Variants in SLC1A2 observed in about 807,000 individuals in gnomAD.
The protein encoded by SLC1A2 is solute carrier family 1 member 2, also known as excitatory amino acid transporter 2.
Under a neutral mutation model 48.8 loss-of-function variants are expected in SLC1A2, and 15 were observed. The observed-to-expected ratio is 0.31, with a 90% CI of 0.21 to 0.47. SLC1A2 has a LOEUF of 0.47. Ranked by LOEUF, SLC1A2 falls within the 20% of genes least tolerant of loss-of-function variation. The pLI is 0.99. For missense variants in SLC1A2, 502 were observed against 730.5 expected, an observed-to-expected ratio of 0.69 and a Z score of 3.61; for synonymous variants, 279 against 272.6, an observed-to-expected ratio of 1.02 and a Z score of -0.23.
chr11:35,343,508 T>G (rs1249875027), intron 1 of SLC1A2, among the ~76,000 whole-genome samples: 1 of 152,186 alleles, frequency 6.6e-6, no homozygotes, highest in South Asian at 2.1e-4. Flanking sequence ...GGCATGACTT[T>G]CTTGAGTACA....
chr11:35,308,585 T>C (rs943025438), intron 4 of SLC1A2, among the ~76,000 whole-genome samples: 2 of 152,150 alleles, frequency 1.3e-5, no homozygotes, highest in African/African-American at 4.8e-5. Flanking sequence ...TGGAGGAAGG[T>C]AGAAAGGCAA....
At chr11:35,317,149 A>G (rs1027902096) in intron 2 of SLC1A2, 1 of 511,902 alleles carries the variant, frequency 2.0e-6, no homozygotes, top group East Asian at 3.0e-5. Flanking sequence ...CTCTCACAAG[A>G]TATTTATTTG....
At chr11:35,307,545 T>A (rs1287175318) in intron 4 of SLC1A2, among the ~76,000 whole-genome samples, 2 of 152,304 alleles carry the variant, frequency 1.3e-5, no homozygotes, top group East Asian at 3.9e-4. Context: ...TAGAACTCAA[T>A]GCAGAATCCT....
chr11:35,361,078 G>C (rs1853664963), intron 1 of SLC1A2, among the ~76,000 whole-genome samples: 3 of 152,038 alleles, frequency 2.0e-5, no homozygotes, highest in Admixed American at 2.0e-4. Context: ...GTTTCACCAT[G>C]TTGGCCAGGG....
chr11:35,343,433 C>T (rs928018089), intron 1 of SLC1A2, among the ~76,000 whole-genome samples: 3 of 152,166 alleles, frequency 2.0e-5, no homozygotes, highest in Non-Finnish European at 4.4e-5. Flanking sequence ...TTTCCAGGAA[C>T]CTTCATGAAT....
At chr11:35,329,529 T>TA (rs1256232601) in intron 1 of SLC1A2, among the ~76,000 whole-genome samples, 2 of 152,142 alleles carry the variant, frequency 1.3e-5, no homozygotes, top group Admixed American at 6.5e-5. Flanking sequence ...AACTACTCTT[T>TA]AAAAAACAGC....
rs575731897 is a variant in SLC1A2, at chr11:35,330,877, A to G, written c.18-13361T>C. 1.1e-4 allele frequency among the ~76,000 whole-genome samples: 17 copies of G among 152,290 alleles called. No homozygotes were observed. The South Asian group carries it at 3.3e-3, about 30-fold the overall frequency. On this transcript the variant is annotated intron_variant, in intron 1 of 10. Transcript: ENST00000278379. ...GACACCTTGATTTTAGCCCAGTGAG[A>G]CCCAACTCAGATTTCTGGCCTCCAG...
In SLC1A2 at chr11:35,315,096, G is replaced by A. The variant is rs752846871; in HGVS notation, c.237C>T (p.Ala79=). ...PIHPDVVMLI[A]FPGDILMRML... ...TCCTCATGAGTATATCCCCTGGGAA[G>A]GCTATTAACATAACCACATCAGGGT... The change falls in exon 3 of 11, where the codon GCC becomes GCT. Residue 79 remains alanine (A), a synonymous_variant. Coordinates refer to ENST00000278379, the MANE Select transcript of SLC1A2 (RefSeq NM_004171.4). The A allele has an allele frequency of 1.3e-4, 203 of 1,611,880 alleles. No individual in the cohort carries two copies. Among genetic ancestry groups the A allele is most frequent in the Non-Finnish European group, 1.6e-4 (191 of 1,178,126 alleles).
chr11:35,327,081 T>C lies in SLC1A2; in HGVS notation c.18-9565A>G, dbSNP rs1852274252. ...CCAGGATCAGTCTTGAAGTCAACCG[T>C]GTTTGAAATTCTGAGGCCTCCACAG... On this transcript the variant is annotated intron_variant, in intron 1 of 10. Coordinates refer to ENST00000278379, the MANE Select transcript of SLC1A2 (RefSeq NM_004171.4). Among the ~76,000 whole-genome samples, 3 of 152,206 alleles carry C rather than the reference T, an allele frequency of 2.0e-5. No individual in the cohort carries two copies. The South Asian group carries it at 6.2e-4, about 31-fold the overall frequency.
intron 1 of SLC1A2, among the ~76,000 whole-genome samples, chr11:35,338,175 A>G (rs1177100581): frequency 1.3e-5 from 2 of 151,690 alleles, no homozygotes; most frequent in Non-Finnish European, 2.9e-5. Flanking sequence ...CCTATTGTTT[A>G]CCTATTGTCT....
At chr11:35,376,207 C>T (rs1362090912) in intron 1 of SLC1A2, among the ~76,000 whole-genome samples, 3 of 150,570 alleles carry the variant, frequency 2.0e-5, no homozygotes. Flanking sequence ...AAAAAAAAAC[C>T]CTCTTTGAAA....
intron 1 of SLC1A2, among the ~76,000 whole-genome samples, chr11:35,350,396 C>T (rs1853206951): frequency 6.6e-6 from 1 of 152,200 alleles, no homozygotes; most frequent in African/African-American, 2.4e-5. Flanking sequence ...TAGGCATTGT[C>T]ACAGAGTTTG....
intron 1 of SLC1A2, among the ~76,000 whole-genome samples, chr11:35,381,273 G>C (rs904907210): frequency 6.6e-6 from 1 of 152,150 alleles, no homozygotes; most frequent in South Asian, 2.1e-4. Flanking sequence ...CTGAAGCCCA[G>C]CCAATGAGAC....
chr11:35,263,915 C>T (rs1271206416), intron 10 of SLC1A2: 1 of 152,186 alleles, frequency 6.6e-6, no homozygotes, highest in Non-Finnish European at 1.5e-5. Context: ...ACAATAAGTA[C>T]TTAAATATAC....
At chr11:35,365,809 T>A (rs1853826399) in intron 1 of SLC1A2, among the ~76,000 whole-genome samples, 1 of 152,190 alleles carries the variant, frequency 6.6e-6, no homozygotes, top group Admixed American at 6.5e-5. Context: ...TTCAGTTCCT[T>A]GGGAATTAGC....
At chr11:35,415,212 A>G (rs1028067770) in intron 1 of SLC1A2, among the ~76,000 whole-genome samples, 1 of 152,208 alleles carries the variant, frequency 6.6e-6, no homozygotes, top group East Asian at 1.9e-4. Flanking sequence ...GACACAAAAC[A>G]CCTAATTGTG....
intron 1 of SLC1A2, among the ~76,000 whole-genome samples, chr11:35,397,700 T>A (rs929511048): frequency 1.3e-5 from 2 of 152,026 alleles, no homozygotes; most frequent in Admixed American, 1.3e-4. Flanking sequence ...CCCTCATGAA[T>A]GGAATTAGAG....
chr11:35,263,146 G>A (rs956569950), intron 10 of SLC1A2, among the ~76,000 whole-genome samples: 1 of 152,170 alleles, frequency 6.6e-6, no homozygotes, highest in African/African-American at 2.4e-5. Flanking sequence ...TTTCCTTATA[G>A]GGCTTGAAAT....
At chr11:35,288,577 C>A (rs1251550233) in intron 7 of SLC1A2, among the ~76,000 whole-genome samples, 1 of 152,204 alleles carries the variant, frequency 6.6e-6, no homozygotes, top group South Asian at 2.1e-4. Flanking sequence ...TGCAAGCATT[C>A]TCAAATCTAA....
Sources: gnomAD v4.1 joint callset for allele counts (sites outside exome capture counted in the v4.1 genomes callset) on GRCh38, gnomAD v4.1.1 for gene constraint, MANE v1.5 for transcripts, NCBI Gene and HGNC (gene_info 2026-07-23, HGNC 2026-07-21) for gene names.